Variants in ANO10 observed in about 807,000 individuals in gnomAD.
The protein encoded by ANO10 is anoctamin 10.
A neutral mutation model predicts 74.7 loss-of-function variants in ANO10; 77 were observed. The ratio of observed to expected loss-of-function variants is 1.03; its 90% CI spans 0.86 to 1.25. The LOEUF is 1.25. Among genes scored for constraint, ANO10 ranks in the 50% most tolerant of loss-of-function variants. The pLI, the probability that ANO10 is intolerant of heterozygous loss-of-function variation, is 0.00. For synonymous variants in ANO10, 279 were observed against 284.9 expected (o/e 0.98, Z 0.21); for missense variants, 721 against 778.1 (o/e 0.93, Z 0.87).
chr3:43,686,278 T>C (rs911779112), intron 1 of ANO10, among the ~76,000 whole-genome samples: 6 of 152,128 alleles, frequency 3.9e-5, no homozygotes, highest in African/African-American at 1.4e-4. Flanking sequence ...AATTGTTTAG[T>C]CTAAAACTTT....
intron 11 of ANO10, among the ~76,000 whole-genome samples, chr3:43,450,763 A>T (rs771468784): frequency 3.9e-5 from 6 of 152,172 alleles, no homozygotes; most frequent in Non-Finnish European, 8.8e-5. Flanking sequence ...GAAAATATTG[A>T]TGAGAACATT....
At chr3:43,411,494 T>C (rs2092664662) in intron 12 of ANO10, among the ~76,000 whole-genome samples, 1 of 152,170 alleles carries the variant, frequency 6.6e-6, no homozygotes, top group Non-Finnish European at 1.5e-5. Context: ...AAGAGAATAT[T>C]AGGAGAGTGG....
chr3:43,481,990 G>A (rs1157752429), intron 11 of ANO10, among the ~76,000 whole-genome samples: 1 of 144,034 alleles, frequency 6.9e-6, no homozygotes, highest in Non-Finnish European at 1.5e-5. Context: ...GTGCAGTGGT[G>A]TGATCTCAGC....
intron 4 of ANO10, among the ~76,000 whole-genome samples, chr3:43,591,298 T>C (rs1238975155): frequency 2.0e-5 from 3 of 152,212 alleles, no homozygotes; most frequent in Non-Finnish European, 2.9e-5. Context: ...CCATTGCCAC[T>C]CCCAATTGGG....
At chr3:43,642,932 T>A (rs2083685614) in intron 1 of ANO10, among the ~76,000 whole-genome samples, 1 of 152,236 alleles carries the variant, frequency 6.6e-6, no homozygotes, top group South Asian at 2.1e-4. Context: ...TTGGTGGATG[T>A]TTAGATTATT....
In ANO10 at chr3:43,366,641, G is replaced by A; in HGVS notation, c.*265C>T. ...AGGGCGGCAGTGGCTCTGCAGCAAA[G>A]TTGGCAGCTGGAGCAGCGTGTGGGG... is the stretch of plus-strand genomic sequence containing the variant. On this transcript the variant is annotated 3_prime_UTR_variant, in exon 13 of 13. Coordinates refer to ENST00000292246, the MANE Select transcript of ANO10 (RefSeq NM_018075.5). 1.8e-6 allele frequency: 1 copy of A among 551,994 alleles called. No homozygotes were observed. Among genetic ancestry groups the A allele is most frequent in the East Asian group, 3.2e-5 (1 of 31,450 alleles). The allele number at this position is 551,994 out of a possible 1,614,324, so 34.2% of individuals were successfully genotyped here.
rs574923993 is a variant in ANO10, at chr3:43,661,946, C to A, written c.-12+29571G>T. On this transcript the variant is annotated intron_variant, in intron 1 of 3. Coordinates refer to the ANO10 transcript ENST00000413397. ...CTACAAAGAGACTTAGATTCCCACACAATAATAATGGGAGACTGTAACACC... is the reference window on the plus strand; with the variant it reads ...CTACAAAGAGACTTAGATTCCCACAAAATAATAATGGGAGACTGTAACACC... Among the ~76,000 whole-genome samples, 21 of 152,240 alleles carry A rather than the reference C, an allele frequency of 1.4e-4. No individual in the cohort carries two copies. The South Asian group carries it at 4.4e-3, about 32-fold the overall frequency.
chr3:43,536,327 C>T (rs1277507137), intron 11 of ANO10, among the ~76,000 whole-genome samples: 1 of 152,192 alleles, frequency 6.6e-6, no homozygotes, highest in African/African-American at 2.4e-5. Context: ...CTTCCTATTG[C>T]CCTTCTGCAA....
In ANO10 at chr3:43,691,049, G is replaced by C. The variant is rs375014954; in HGVS notation, c.-12+468C>G. 8 of 1,548,292 alleles carry C rather than the reference G, an allele frequency of 5.2e-6. No homozygotes were observed. In the African/African-American group the frequency reaches 1.0e-4, roughly 19 times the overall value. On this transcript the variant is annotated intron_variant, in intron 1 of 3. Transcript: ENST00000413397. ...CCGACACCGGAGAGAGGTAAGCGCA[G>C]CCGGCAGGGGGCTTCGTGTGTCTCC...
intron 12 of ANO10, among the ~76,000 whole-genome samples, chr3:43,413,781 G>A (rs539755589): frequency 6.6e-6 from 1 of 151,304 alleles, no homozygotes; most frequent in East Asian, 2.0e-4. Flanking sequence ...CTGCACGGCT[G>A]AATCCGTAAC....
intron 5 of ANO10, 94 bp from the exon 6 acceptor site, chr3:43,577,355 G>A: frequency 2.4e-6 from 3 of 1,257,122 alleles, no homozygotes; most frequent in Non-Finnish European, 3.4e-6. Context: ...AGTTAAGTGG[G>A]GATCATTCAA....
intron 1 of ANO10, chr3:43,690,908 C>T (rs1389922148): frequency 4.2e-6 from 6 of 1,443,234 alleles, no homozygotes; most frequent in South Asian, 1.3e-5. Context: ...CCTGCGCCGC[C>T]TTAAGTGCCG....
At chr3:43,519,012 T>C (rs953416995) in intron 11 of ANO10, among the ~76,000 whole-genome samples, 7 of 152,088 alleles carry the variant, frequency 4.6e-5, no homozygotes, top group Admixed American at 3.9e-4. Context: ...TAATAAAAAC[T>C]TGCTGGTTTT....
intron 11 of ANO10, among the ~76,000 whole-genome samples, chr3:43,522,615 A>C (rs1277773883): frequency 6.6e-6 from 1 of 152,232 alleles, no homozygotes; most frequent in African/African-American, 2.4e-5. Context: ...AATGTAACTG[A>C]ATCAAGCAGG....
At chr3:43,602,276 G>C (rs7613972) in intron 2 of ANO10, among the ~76,000 whole-genome samples, 5,128 of 152,234 alleles carry the variant, frequency 0.034, 189 homozygotes, top group Admixed American at 0.1. Flanking sequence ...TGAGTGTGTG[G>C]GGAAAGGCAT....
chr3:43,680,601 G>A (rs1314752338), intron 1 of ANO10, among the ~76,000 whole-genome samples: 4 of 152,086 alleles, frequency 2.6e-5, no homozygotes, highest in African/African-American at 4.8e-5. Flanking sequence ...GATACTCCTC[G>A]AGAAGAGCAA....
chr3:43,617,060 C>T (rs1054131908), intron 1 of ANO10, among the ~76,000 whole-genome samples: 16 of 150,664 alleles, frequency 1.1e-4, no homozygotes, highest in African/African-American at 2.2e-4. Context: ...AGGTGTAAAG[C>T]GGTGGAAACA....
At chr3:43,539,319 C>T (rs1005254418) in intron 11 of ANO10, among the ~76,000 whole-genome samples, 1 of 152,038 alleles carries the variant, frequency 6.6e-6, no homozygotes, top group African/African-American at 2.4e-5. Flanking sequence ...TTTCAACTTT[C>T]TAAAGCAACA....
chr3:43,380,725 C>A (rs557139086), intron 12 of ANO10, among the ~76,000 whole-genome samples: 1 of 152,086 alleles, frequency 6.6e-6, no homozygotes, highest in African/African-American at 2.4e-5. Context: ...CAAAATACAC[C>A]AAAATAGAAC....
Sources: gnomAD v4.1 joint callset for allele counts (sites outside exome capture counted in the v4.1 genomes callset) on GRCh38, gnomAD v4.1.1 for gene constraint, MANE v1.5 for transcripts, NCBI Gene and HGNC (gene_info 2026-07-23, HGNC 2026-07-21) for gene names.